Variants in KCNMA1 observed in about 807,000 individuals in gnomAD.
KCNMA1 encodes Calcium-activated potassium channel subunit alpha-1.
KCNMA1 carries 29 observed loss-of-function variants against 140.0 expected under a neutral mutation model. The observed-to-expected ratio is 0.21, with a 90% CI of 0.15 to 0.28. The LOEUF (loss-of-function observed/expected upper bound fraction) is 0.28. KCNMA1 is among the 10% of genes least tolerant of loss of function. The pLI is 1.00. For missense variants in KCNMA1, 880 were observed against 1,602.2 expected (o/e 0.55, Z 7.70); for synonymous variants, 612 against 611.9 (o/e 1.00, Z 0.00).
In KCNMA1 at chr10:76,908,408, C is replaced by T. The variant is rs535743559; in HGVS notation, c.3147+1558G>A. Among the ~76,000 whole-genome samples, 28 of 152,268 alleles carry T rather than the reference C, an allele frequency of 1.8e-4. No individual in the cohort carries two copies. In the South Asian group the frequency reaches 5.8e-3, roughly 32 times the overall value. ...GGAAAGCCATGGCATGGCATGAAGC[C>T]CAGTTAACCTTAATTCAGACGAATG... is the stretch of plus-strand genomic sequence containing the variant. On this transcript the variant is annotated intron_variant, in intron 25 of 27. Transcript: ENST00000286628.
At chr10:76,921,218 A>G (rs2055635538) in intron 23 of KCNMA1, among the ~76,000 whole-genome samples, 1 of 152,214 alleles carries the variant, frequency 6.6e-6, no homozygotes, top group East Asian at 1.9e-4. Flanking sequence ...CTAGGGAAAT[A>G]AATTAGGCCG....
intron 6 of KCNMA1, among the ~76,000 whole-genome samples, chr10:77,120,730 A>G (rs190852131): frequency 1.1e-3 from 160 of 152,208 alleles, no homozygotes; most frequent in African/African-American, 3.8e-3. Context: ...TGTGTCCCTA[A>G]AAGTGTCCCT....
intron 1 of KCNMA1, among the ~76,000 whole-genome samples, chr10:77,439,846 C>A (rs1017106592): frequency 6.6e-6 from 1 of 152,286 alleles, no homozygotes; most frequent in East Asian, 1.9e-4. Flanking sequence ...GGATACCATG[C>A]CCACAGAATG....
At chr10:77,450,837 T>C (rs1203193382) in intron 1 of KCNMA1, among the ~76,000 whole-genome samples, 2 of 152,214 alleles carry the variant, frequency 1.3e-5, no homozygotes, top group Non-Finnish European at 2.9e-5. Flanking sequence ...ATTGTAATAA[T>C]TCCCATGTGT....
At chr10:77,208,117 T>C (rs1428242204) in intron 3 of KCNMA1, among the ~76,000 whole-genome samples, 3 of 152,258 alleles carry the variant, frequency 2.0e-5, no homozygotes, top group Non-Finnish European at 4.4e-5. Flanking sequence ...TGCCACACTG[T>C]TGCAAATCTG....
intron 1 of KCNMA1, among the ~76,000 whole-genome samples, chr10:77,520,094 A>G (rs79596731): frequency 1.1e-3 from 19 of 17,912 alleles, no homozygotes; most frequent in East Asian, 1.6e-3. Flanking sequence ...TGGAGTATGC[A>G]GTGTGAGGGT....
intron 3 of KCNMA1, among the ~76,000 whole-genome samples, chr10:77,219,713 G>A (rs555321465): frequency 2.0e-5 from 3 of 152,214 alleles, no homozygotes; most frequent in East Asian, 1.9e-4. Context: ...TCTGCCTCCC[G>A]GGTTCAAGCA....
At chr10:77,473,922 C>T (rs565966060) in intron 1 of KCNMA1, among the ~76,000 whole-genome samples, 1 of 152,300 alleles carries the variant, frequency 6.6e-6, no homozygotes, top group Admixed American at 6.5e-5. Flanking sequence ...AGAAGGACTG[C>T]CAGCTAGCTC....
chr10:76,921,541 G>A (rs142626784), intron 23 of KCNMA1, among the ~76,000 whole-genome samples: 1 of 152,288 alleles, frequency 6.6e-6, no homozygotes, highest in East Asian at 1.9e-4. Context: ...ATGCAGATTA[G>A]AACTTGATTA....
chr10:77,260,671 T>C (rs1382978673), intron 2 of KCNMA1, among the ~76,000 whole-genome samples: 1 of 152,184 alleles, frequency 6.6e-6, no homozygotes, highest in Admixed American at 6.5e-5. Context: ...ATCATACCAC[T>C]GTACTCCAGC....
At chr10:77,107,387 C>T (rs2097218069) in intron 9 of KCNMA1, among the ~76,000 whole-genome samples, 1 of 152,172 alleles carries the variant, frequency 6.6e-6, no homozygotes, top group Non-Finnish European at 1.5e-5. Context: ...ACAAGTTCCT[C>T]ACTTTATATG....
chr10:77,127,843 A>G (rs1205834105), intron 5 of KCNMA1, among the ~76,000 whole-genome samples: 1 of 152,078 alleles, frequency 6.6e-6, no homozygotes, highest in African/African-American at 2.4e-5. Flanking sequence ...GTGTGGTGGT[A>G]TGTGCCTGTA....
At chr10:77,287,663 CAA>C (rs1409721207) in intron 2 of KCNMA1, among the ~76,000 whole-genome samples, 1 of 152,140 alleles carries the variant, frequency 6.6e-6, no homozygotes, top group Non-Finnish European at 1.5e-5. Flanking sequence ...GGATCTCCTG[CAA>C]AGAGAGAGAG....
At chr10:76,947,677 C>A (rs1276066416) in intron 22 of KCNMA1, among the ~76,000 whole-genome samples, 1 of 152,170 alleles carries the variant, frequency 6.6e-6, no homozygotes, top group Non-Finnish European at 1.5e-5. Context: ...TTTTCAACTG[C>A]CTGTGCTCAC....
At chr10:77,239,380 G>A (rs1242481862) in intron 3 of KCNMA1, among the ~76,000 whole-genome samples, 9 of 152,314 alleles carry the variant, frequency 5.9e-5, no homozygotes, top group African/African-American at 2.2e-4. Context: ...TTTCTGGCAT[G>A]GAGTGAGGGT....
chr10:77,541,754 G>A (rs2060230094), intron 1 of KCNMA1, among the ~76,000 whole-genome samples: 1 of 152,058 alleles, frequency 6.6e-6, no homozygotes, highest in Admixed American at 6.5e-5. Flanking sequence ...AACACCTAGG[G>A]AACTCAAAGA....
At chr10:77,479,911 G>A (rs1327514415) in intron 1 of KCNMA1, among the ~76,000 whole-genome samples, 2 of 152,154 alleles carry the variant, frequency 1.3e-5, no homozygotes, top group African/African-American at 4.8e-5. Context: ...GGGATGAGGG[G>A]GTCCTGCTTT....
rs1253910953 is a variant in KCNMA1, at chr10:77,310,199, C to G, written c.541-58943G>C. 4.6e-5 allele frequency among the ~76,000 whole-genome samples: 7 copies of G among 152,216 alleles called. No individual in the cohort carries two copies. In the South Asian group the frequency reaches 1.4e-3, roughly 32 times the overall value. On this transcript the variant is annotated intron_variant, in intron 2 of 27. Coordinates refer to ENST00000286628, the MANE Select transcript of KCNMA1 (RefSeq NM_001161352.2). ...GACAGCGTGCACTAGTACAACTAAACCAGTCTCTCAAATATTGAAACCTTT... is the reference window on the plus strand; with the variant it reads ...GACAGCGTGCACTAGTACAACTAAAGCAGTCTCTCAAATATTGAAACCTTT...
At chr10:77,112,256 A>G in intron 7 of KCNMA1, 111 bp downstream of exon 7, 3 of 803,902 alleles carry the variant, frequency 3.7e-6, no homozygotes, top group Admixed American at 4.0e-5. Context: ...CTTCCTGTCT[A>G]CAACCGAGGT....
Sources: allele counts gnomAD v4.1 joint callset (sites outside exome capture counted in the v4.1 genomes callset), GRCh38; gene constraint gnomAD v4.1.1; transcripts MANE v1.5; gene names NCBI Gene and HGNC (gene_info 2026-07-23, HGNC 2026-07-21).